Variants in DENND4A observed in about 807,000 individuals in gnomAD.
The protein encoded by DENND4A is DENN domain containing 4A.
DENND4A carries 70 observed loss-of-function variants against 199.3 expected under a neutral mutation model. The observed-to-expected ratio is 0.35, with a 90% CI of 0.29 to 0.43. The LOEUF (loss-of-function observed/expected upper bound fraction) is 0.43, where lower values mean the gene tolerates loss of function less well. DENND4A is among the 20% of genes least tolerant of loss of function. DENND4A has a pLI of 1.00. For synonymous variants in DENND4A, 686 were observed against 766.9 expected, an observed-to-expected ratio of 0.89 and a Z score of 1.74; for missense variants, 1,723 against 2,255.8, an observed-to-expected ratio of 0.76 and a Z score of 4.78.
rs1327168062 is a variant in DENND4A at position 65,680,440 on chromosome 15, C to T, written c.4180-3806G>A. 2.6e-5 allele frequency among the ~76,000 whole-genome samples: 4 copies of T among 152,138 alleles called. No individual in the cohort carries two copies. The East Asian group carries it at 7.7e-4, about 29-fold the overall frequency. ...GAGGGAATACAGATATGTATTTTAA[C>T]ATCCTGAACCAGAAGTCTTGTTGCT... On this transcript the variant is annotated intron_variant, in intron 23 of 32. Coordinates refer to ENST00000443035, the MANE Select transcript of DENND4A (RefSeq NM_001320835.1).
chr15:65,741,275 G>C lies in DENND4A; in HGVS notation c.631+440C>G, dbSNP rs182554830. Among the ~76,000 whole-genome samples, 12 of 152,036 alleles carry C rather than the reference G, an allele frequency of 7.9e-5. No homozygotes were observed. In the East Asian group the frequency reaches 1.9e-3, roughly 24 times the overall value. Reference sequence around the variant, plus strand: ...TCTTGTAAATAAGGTCACTATGTTTGGTATTTTGAGGTCTCTGAAAATTGG... The same window carrying C: ...TCTTGTAAATAAGGTCACTATGTTTCGTATTTTGAGGTCTCTGAAAATTGG... On this transcript the variant is annotated intron_variant, in intron 5 of 32. Coordinates refer to ENST00000443035, the MANE Select transcript of DENND4A (RefSeq NM_001320835.1).
At position 65,717,874 on chromosome 15, in the gene DENND4A, C is replaced by T; in HGVS notation, c.1711G>A (p.Ala571Thr). ...EIQEAFLFFM[A>T]SILKGYRSYL... ...GATCTGTAACCTTTTAAAATAGAGGCCATGAAAAACAAAAATGCCTCTTGG... is the reference window on the plus strand; with the variant it reads ...GATCTGTAACCTTTTAAAATAGAGGTCATGAAAAACAAAAATGCCTCTTGG... Residue 571 changes from alanine to threonine, a missense_variant, in exon 13 of 33, where the codon GCC (alanine) becomes ACC (threonine). Coordinates refer to ENST00000443035, the MANE Select transcript of DENND4A (RefSeq NM_001320835.1). 1.2e-6 allele frequency: 2 copies of T among 1,604,344 alleles called. No homozygotes were observed. The highest frequency in any genetic ancestry group is 1.1e-5 in the South Asian group (1 of 89,354).
chr15:65,682,184 T>C (rs2076601214), intron 23 of DENND4A, among the ~76,000 whole-genome samples: 2 of 152,142 alleles, frequency 1.3e-5, no homozygotes, highest in African/African-American at 4.8e-5. Flanking sequence ...GACACTGACT[T>C]TTCCTCTCTC....
At chr15:65,758,072 C>A (rs2076757551) in intron 2 of DENND4A, among the ~76,000 whole-genome samples, 1 of 152,080 alleles carries the variant, frequency 6.6e-6, no homozygotes, top group Non-Finnish European at 1.5e-5. Flanking sequence ...AGGTTTTCCA[C>A]AGACAAAGCC....
intron 13 of DENND4A, among the ~76,000 whole-genome samples, chr15:65,717,544 A>G (rs2075445462): frequency 6.6e-6 from 1 of 152,172 alleles, no homozygotes; most frequent in Non-Finnish European, 1.5e-5. Context: ...TAGTCGGTAT[A>G]TGGTTGGGAG....
intron 1 of DENND4A, among the ~76,000 whole-genome samples, chr15:65,780,636 G>T (rs2077412854): frequency 6.6e-6 from 1 of 152,154 alleles, no homozygotes; most frequent in African/African-American, 2.4e-5. Context: ...TGGTGGAGAA[G>T]ATACATAAAT....
chr15:65,725,685 A>G (rs2075784129), intron 11 of DENND4A, among the ~76,000 whole-genome samples: 1 of 96,122 alleles, frequency 1.0e-5, no homozygotes, highest in Admixed American at 8.7e-5. Context: ...TCAAAAAATA[A>G]AAATAAAAAA....
intron 24 of DENND4A, among the ~76,000 whole-genome samples, chr15:65,673,286 G>C (rs940773729): frequency 6.6e-6 from 1 of 151,820 alleles, no homozygotes; most frequent in Non-Finnish European, 1.5e-5. Flanking sequence ...TGGGCAAAAT[G>C]GTGAAAACCC....
At chr15:65,696,332 T>G in intron 22 of DENND4A, 34 bp downstream of exon 22, 6 of 1,596,342 alleles carry the variant, frequency 3.8e-6, no homozygotes, top group Non-Finnish European at 5.1e-6. Flanking sequence ...TACAATTTAT[T>G]CCGCACATAA....
intron 2 of DENND4A, among the ~76,000 whole-genome samples, chr15:65,758,503 A>T (rs183716204): frequency 6.6e-6 from 1 of 151,788 alleles, no homozygotes; most frequent in Non-Finnish European, 1.5e-5. Context: ...GTAGAGATAG[A>T]GTCTCATTTT....
intron 1 of DENND4A, among the ~76,000 whole-genome samples, chr15:65,762,729 T>C (rs2076883090): frequency 6.7e-6 from 1 of 150,106 alleles, no homozygotes; most frequent in Non-Finnish European, 1.5e-5. Context: ...TTAGGTATTA[T>C]AGATAATCTA....
At chr15:65,687,108 T>A (rs893744316) in intron 23 of DENND4A, among the ~76,000 whole-genome samples, 1 of 152,214 alleles carries the variant, frequency 6.6e-6, no homozygotes, top group Non-Finnish European at 1.5e-5. Context: ...TCTTTAAGAT[T>A]TCCTGTTCTC....
At chr15:65,735,116 A>C (rs2140424613) in intron 7 of DENND4A, among the ~76,000 whole-genome samples, 1 of 151,902 alleles carries the variant, frequency 6.6e-6, no homozygotes, top group African/African-American at 2.4e-5. Context: ...GGCGGCTCAC[A>C]CCTGTAATCT....
intron 1 of DENND4A, among the ~76,000 whole-genome samples, chr15:65,789,509 TAAA>T (rs11326570): frequency 7.0e-6 from 1 of 142,386 alleles, no homozygotes; most frequent in Admixed American, 7.0e-5. Context: ...GGTATTAGAT[TAAA>T]AAAAAAAAAA....
intron 23 of DENND4A, among the ~76,000 whole-genome samples, chr15:65,688,049 A>G (rs771154164): frequency 2.0e-5 from 3 of 151,894 alleles, no homozygotes; most frequent in Non-Finnish European, 4.4e-5. Flanking sequence ...GTTCCTTTTG[A>G]TATTGTCACA....
chr15:65,673,053 G>T (rs1187958670), intron 24 of DENND4A, among the ~76,000 whole-genome samples: 1 of 151,698 alleles, frequency 6.6e-6, no homozygotes, highest in African/African-American at 2.4e-5. Flanking sequence ...GTACAGATGG[G>T]GTTTCACCAT....
At chr15:65,741,342 A>G (rs2076255784) in intron 5 of DENND4A, among the ~76,000 whole-genome samples, 1 of 152,238 alleles carries the variant, frequency 6.6e-6, no homozygotes, top group South Asian at 2.1e-4. Flanking sequence ...TTGGTTTATA[A>G]TATTTTCCAT....
intron 14 of DENND4A, among the ~76,000 whole-genome samples, chr15:65,714,894 C>T (rs2075350902): frequency 6.6e-6 from 1 of 152,062 alleles, no homozygotes; most frequent in Admixed American, 6.6e-5. Context: ...CTCTCTCCAC[C>T]CTATTTAGGT....
At chr15:65,710,651 C>T (rs181815860) in intron 14 of DENND4A, among the ~76,000 whole-genome samples, 1 of 152,302 alleles carries the variant, frequency 6.6e-6, no homozygotes, top group East Asian at 1.9e-4. Flanking sequence ...GCACACCTTT[C>T]TATTTATTGC....
Sources: gnomAD v4.1 joint callset for allele counts (sites outside exome capture counted in the v4.1 genomes callset) on GRCh38, gnomAD v4.1.1 for gene constraint, MANE v1.5 for transcripts, NCBI Gene and HGNC (gene_info 2026-07-23, HGNC 2026-07-21) for gene names.